Variants in SYTL5 observed in about 807,000 individuals in gnomAD.
SYTL5 encodes synaptotagmin-like protein 5.
A neutral mutation model predicts 55.9 loss-of-function variants in SYTL5; 34 were observed. That is an observed-to-expected ratio of 0.61 (90% CI 0.46 to 0.81). The LOEUF is 0.81. Among genes scored for constraint, SYTL5 ranks in the 30% least tolerant of loss-of-function variants. The pLI is 0.00. For missense variants in SYTL5, 637 were observed against 546.7 expected (o/e 1.17, Z -1.65); for synonymous variants, 221 against 188.7 (o/e 1.17, Z -1.40).
At chrX:37,966,213 A>C in the SYTL5 span, among the ~76,000 whole-genome samples, 2 of 110,328 alleles carry the variant, frequency 1.8e-5, no homozygotes, top group Non-Finnish European at 3.8e-5. Context: ...TGTGTTTCAT[A>C]GATTTTTGTA....
chrX:37,920,616 G>T, the SYTL5 span, among the ~76,000 whole-genome samples: 2 of 111,218 alleles, frequency 1.8e-5, no homozygotes, highest in African/African-American at 6.5e-5. Flanking sequence ...AATTCTTGTG[G>T]TTTGCTCAGC....
intron 10 of SYTL5, among the ~76,000 whole-genome samples, chrX:38,102,690 G>A (rs898853898): frequency 1.8e-5 from 2 of 110,783 alleles, no homozygotes; most frequent in Non-Finnish European, 3.8e-5. Context: ...CCTAGTTCAG[G>A]CTCAGTCAGC....
intron 1 of SYTL5, among the ~76,000 whole-genome samples, chrX:38,006,948 TC>T (rs764305491): frequency 2.7e-5 from 3 of 111,369 alleles, no homozygotes; most frequent in Non-Finnish European, 5.7e-5. Context: ...TGCACTAGGT[TC>T]TACTGAAGAG....
At chrX:37,948,581 T>C in the SYTL5 span, among the ~76,000 whole-genome samples, 96 of 110,279 alleles carry the variant, frequency 8.7e-4, no homozygotes, top group Non-Finnish European at 1.7e-3. Context: ...TATGTATACA[T>C]TGCCACTTTC....
chrX:37,896,260 A>G, the SYTL5 span, among the ~76,000 whole-genome samples: 2 of 112,272 alleles, frequency 1.8e-5, no homozygotes, highest in South Asian at 7.5e-4. Context: ...GGATTCACAA[A>G]TGAATGGAGA....
chrX:38,101,269 C>T (rs1039934556), intron 9 of SYTL5, among the ~76,000 whole-genome samples: 5 of 111,043 alleles, frequency 4.5e-5, no homozygotes, highest in African/African-American at 1.6e-4. Flanking sequence ...GGACAGGATA[C>T]ACAGGGAGCT....
At chrX:37,897,738 G>A in the SYTL5 span, among the ~76,000 whole-genome samples, 1 of 111,425 alleles carries the variant, frequency 9.0e-6, no homozygotes, top group East Asian at 2.8e-4. Context: ...AAACTGGGTA[G>A]CTTATAAACA....
chrX:38,054,485 G>A, intron 3 of SYTL5, 63 bp downstream of exon 3: 1 of 1,035,950 alleles, frequency 9.7e-7, no homozygotes. Flanking sequence ...GAGTGGGGAA[G>A]GCAAAAGAGA....
At chrX:38,119,685 G>T (rs1937548239) in intron 13 of SYTL5, among the ~76,000 whole-genome samples, 1 of 112,017 alleles carries the variant, frequency 8.9e-6, no homozygotes, top group Admixed American at 9.5e-5. Context: ...TCATTTCTCT[G>T]GGATAAATGA....
At chrX:37,949,289 A>G in the SYTL5 span, 49,908 of 110,763 alleles carry the variant, frequency 0.45, 8,933 homozygotes, top group South Asian at 0.68. Context: ...TCTTGAAACC[A>G]TGAAGCAACC....
intron 2 of SYTL5, among the ~76,000 whole-genome samples, chrX:38,038,466 T>C (rs1935181812): frequency 8.9e-6 from 1 of 112,201 alleles, no homozygotes; most frequent in African/African-American, 3.2e-5. Context: ...TTTAGATGGG[T>C]AACAGATTTT....
chrX:38,015,592 TA>T (rs1158165265), intron 1 of SYTL5, among the ~76,000 whole-genome samples: 1 of 111,679 alleles, frequency 9.0e-6, no homozygotes, highest in East Asian at 2.8e-4. Context: ...CATAGGACGT[TA>T]AAAAAAATCC....
At chrX:37,924,999 C>T in the SYTL5 span, among the ~76,000 whole-genome samples, 1 of 110,325 alleles carries the variant, frequency 9.1e-6, no homozygotes, top group Non-Finnish European at 1.9e-5. Flanking sequence ...TGTTTGTATC[C>T]CTTAAGCAAT....
chrX:38,018,732 T>C (rs1934440914), intron 1 of SYTL5, among the ~76,000 whole-genome samples: 1 of 111,591 alleles, frequency 9.0e-6, no homozygotes, highest in African/African-American at 3.3e-5. Flanking sequence ...CACTAAAATT[T>C]AAAAACCTTT....
chrX:37,942,994 A>G, the SYTL5 span, among the ~76,000 whole-genome samples: 2 of 111,622 alleles, frequency 1.8e-5, no homozygotes, highest in African/African-American at 6.5e-5. Flanking sequence ...CATTCATTTA[A>G]AATTTGAGCA....
the SYTL5 span, among the ~76,000 whole-genome samples, chrX:37,924,208 C>T: frequency 1.4e-4 from 16 of 111,682 alleles, no homozygotes; most frequent in South Asian, 4.9e-3. Flanking sequence ...CCAGTAGCTA[C>T]GTAGGGCATC....
the SYTL5 span, among the ~76,000 whole-genome samples, chrX:37,892,013 T>C: frequency 8.9e-6 from 1 of 111,832 alleles, no homozygotes; most frequent in Non-Finnish European, 1.9e-5. Context: ...AAAAACTATA[T>C]TGAAGTTCCT....
At chrX:37,905,436 TG>T in the SYTL5 span, among the ~76,000 whole-genome samples, 2 of 8,227 alleles carry the variant, frequency 2.4e-4, no homozygotes, top group African/African-American at 1.7e-3. Context: ...GGTGTGTGTG[TG>T]TGGGGGGGGC....
chrX:38,040,455 C>T (rs188727758), intron 2 of SYTL5, among the ~76,000 whole-genome samples: 1 of 102,917 alleles, frequency 9.7e-6, no homozygotes, highest in African/African-American at 3.6e-5. Flanking sequence ...CATTAACCAT[C>T]CCCCCCCCGA....
Sources: allele counts gnomAD v4.1 joint callset (sites outside exome capture counted in the v4.1 genomes callset), GRCh38; gene constraint gnomAD v4.1.1; transcripts MANE v1.5; gene names NCBI Gene and HGNC (gene_info 2026-07-23, HGNC 2026-07-21).